Variants in NEXMIF observed in about 807,000 individuals in gnomAD.
NEXMIF encodes neurite extension and migration factor, also known as XLMR protein related to neurite extension.
NEXMIF carries 8 observed loss-of-function variants against 62.1 expected under a neutral mutation model. That is an observed-to-expected ratio of 0.13 (90% CI 0.08 to 0.23). The LOEUF is 0.23. NEXMIF is among the 10% of genes least tolerant of loss of function. The probability of loss-of-function intolerance (pLI) is 1.00; values close to 1 mark genes in which losing one functional copy is unlikely to be tolerated. For missense variants in NEXMIF, 976 were observed against 1,113.3 expected (o/e 0.88, Z 1.75); for synonymous variants, 404 against 416.6 (o/e 0.97, Z 0.37).
At chrX:74,753,053 A>C (rs1352563976) in intron 1 of NEXMIF, among the ~76,000 whole-genome samples, 1 of 112,025 alleles carries the variant, frequency 8.9e-6, no homozygotes, top group Non-Finnish European at 1.9e-5. Context: ...ATGCATTTAT[A>C]TAAGGACTAT....
chrX:74,842,929 T>C (rs1478063172), intron 1 of NEXMIF, among the ~76,000 whole-genome samples: 1 of 112,122 alleles, frequency 8.9e-6, no homozygotes, highest in East Asian at 2.8e-4. Flanking sequence ...CACGTGGCAA[T>C]GAGAATAATG....
intron 1 of NEXMIF, among the ~76,000 whole-genome samples, chrX:74,921,294 C>CT (rs1237133799): frequency 3.6e-5 from 4 of 111,061 alleles, no homozygotes; most frequent in Non-Finnish European, 7.5e-5. Flanking sequence ...ATAAAAGACT[C>CT]TATCATCACT....
chrX:74,802,755 A>G (rs2080333579), intron 1 of NEXMIF, among the ~76,000 whole-genome samples: 1 of 111,554 alleles, frequency 9.0e-6, no homozygotes, highest in South Asian at 3.8e-4. Context: ...GAGATATGTG[A>G]CGTTTCACAC....
At chrX:74,842,834 A>G (rs2080478281) in intron 1 of NEXMIF, among the ~76,000 whole-genome samples, 1 of 111,577 alleles carries the variant, frequency 9.0e-6, no homozygotes, top group Non-Finnish European at 1.9e-5. Flanking sequence ...TGGTCCTGAG[A>G]GTGTGTTTGG....
chrX:74,781,587 C>T (rs1477612178), intron 1 of NEXMIF, among the ~76,000 whole-genome samples: 2 of 109,984 alleles, frequency 1.8e-5, no homozygotes, highest in Non-Finnish European at 3.8e-5. Context: ...TTCGTGGAGG[C>T]CAGTGGTTTA....
rs1397031224 is a variant in NEXMIF, at chrX:74,749,022, GA to G, written c.-47-3326del. ...ACAGTATTCTATCAAGTACAGCATA[GA>G]AAAGACAGATAAATGAGGCTAGATC... On this transcript the variant is annotated intron_variant, in intron 1 of 3. Coordinates refer to ENST00000055682, the MANE Select transcript of NEXMIF (RefSeq NM_001008537.3). Among the ~76,000 whole-genome samples the G allele has an allele frequency of 6.3e-5, 7 of 111,766 alleles. No homozygotes were observed. The Admixed American group carries it at 6.7e-4, about 11-fold the overall frequency.
At chrX:74,768,220 G>A (rs776233801) in intron 1 of NEXMIF, among the ~76,000 whole-genome samples, 6 of 111,609 alleles carry the variant, frequency 5.4e-5, no homozygotes, top group Non-Finnish European at 1.1e-4. Flanking sequence ...CCACTTCCCT[G>A]GGTGAGGGAG....
At chrX:74,828,323 G>T (rs1022718464) in intron 1 of NEXMIF, among the ~76,000 whole-genome samples, 9 of 112,047 alleles carry the variant, frequency 8.0e-5, no homozygotes, top group African/African-American at 1.9e-4. Flanking sequence ...TGATACAGCA[G>T]TTGTAGGAAT....
chrX:74,785,519 C>T (rs1303254549), intron 1 of NEXMIF, among the ~76,000 whole-genome samples: 4 of 111,684 alleles, frequency 3.6e-5, no homozygotes, highest in Non-Finnish European at 7.5e-5. Flanking sequence ...TATCTCCACT[C>T]ATTCCCCCTT....
intron 1 of NEXMIF, among the ~76,000 whole-genome samples, chrX:74,865,347 AT>A (rs2080574445): frequency 8.9e-6 from 1 of 111,864 alleles, no homozygotes; most frequent in African/African-American, 3.3e-5. Context: ...GATGGGTGGC[AT>A]TTGGCTCCTG....
chrX:74,836,729 G>C (rs1196360678), intron 1 of NEXMIF, among the ~76,000 whole-genome samples: 1 of 111,512 alleles, frequency 9.0e-6, no homozygotes, highest in Non-Finnish European at 1.9e-5. Flanking sequence ...CAATTTCGTT[G>C]CTGTGAACTG....
At chrX:74,769,214 C>CAAAACA (rs965247254) in intron 1 of NEXMIF, among the ~76,000 whole-genome samples, 1 of 110,594 alleles carries the variant, frequency 9.0e-6, no homozygotes, top group African/African-American at 3.3e-5. Context: ...TCTTTCCCAT[C>CAAAACA]AAAACAAAAA....
intron 1 of NEXMIF, among the ~76,000 whole-genome samples, chrX:74,914,968 T>C (rs1385491180): frequency 2.7e-5 from 3 of 112,372 alleles, no homozygotes; most frequent in African/African-American, 6.5e-5. Flanking sequence ...TCCATTTATA[T>C]AAAAATCTTG....
At position 74,741,990 on chromosome X, in the gene NEXMIF, T is replaced by C; in HGVS notation, c.2567A>G (p.Gln856Arg). 8.3e-7 allele frequency: 1 copy of C among 1,211,469 alleles called. No homozygotes were observed. The highest frequency in any genetic ancestry group is 1.1e-6 in the Non-Finnish European group (1 of 895,190). The change falls in exon 3 of 4, where the codon CAG (glutamine) becomes CGG (arginine). Residue 856 changes from glutamine to arginine, a missense_variant. Coordinates refer to ENST00000055682, the MANE Select transcript of NEXMIF (RefSeq NM_001008537.3). ...GGTGAGCACACAGTCCTGGGTAGGC[T>C]GGAGGGGTACAAATGATTTTTCGGT... ...TQTEKSFVPL[Q>R]PTQDCVLTSS...
In NEXMIF at chrX:74,892,785, G is replaced by C. The variant is rs372228459; in HGVS notation, c.-48+32098C>G. On this transcript the variant is annotated intron_variant, in intron 1 of 3. Coordinates refer to ENST00000055682, the MANE Select transcript of NEXMIF (RefSeq NM_001008537.3). The stretch of plus-strand genomic sequence containing the variant: ...GCCTGCCATCTCCCTAAGATCCCAA[G>C]GCATGTTTCAAAGTGAGCATAGGAG... Among the ~76,000 whole-genome samples, 15 of 112,051 alleles carry C rather than the reference G, an allele frequency of 1.3e-4. No individual in the cohort carries two copies. The East Asian group carries it at 3.4e-3, about 25-fold the overall frequency.
At chrX:74,803,194 C>T (rs143214356) in intron 1 of NEXMIF, among the ~76,000 whole-genome samples, 1,794 of 111,447 alleles carry the variant, frequency 0.016, 18 homozygotes, top group Non-Finnish European at 0.024. Flanking sequence ...AGAAATGTAT[C>T]AACATTTAAG....
chrX:74,794,425 T>C (rs1193303865), intron 1 of NEXMIF, among the ~76,000 whole-genome samples: 1 of 109,529 alleles, frequency 9.1e-6, no homozygotes, highest in Non-Finnish European at 1.9e-5. Context: ...ACTGCTGTCT[T>C]TTTGTTTGTC....
chrX:74,908,275 T>C (rs933860926), intron 1 of NEXMIF, among the ~76,000 whole-genome samples: 2 of 112,197 alleles, frequency 1.8e-5, no homozygotes, highest in Admixed American at 9.4e-5. Flanking sequence ...TTGTCTAGTA[T>C]ATGGCCTGGT....
chrX:74,878,959 C>A (rs975539643), intron 1 of NEXMIF, among the ~76,000 whole-genome samples: 1 of 112,778 alleles, frequency 8.9e-6, no homozygotes, highest in African/African-American at 3.2e-5. Context: ...CTGCGTCGCT[C>A]ATGCTGGGAG....
Sources: allele counts gnomAD v4.1 joint callset (sites outside exome capture counted in the v4.1 genomes callset), GRCh38; gene constraint gnomAD v4.1.1; transcripts MANE v1.5; gene names NCBI Gene and HGNC (gene_info 2026-07-23, HGNC 2026-07-21).